The following TOPAZ1 variants were observed in gnomAD, a reference collection of about 807,000 sequenced individuals.
TOPAZ1 encodes protein TOPAZ1.
Under a neutral mutation model 172.2 loss-of-function variants are expected in TOPAZ1, and 66 were observed. That is an observed-to-expected ratio of 0.38 (90% CI 0.31 to 0.47). The LOEUF (loss-of-function observed/expected upper bound fraction) is 0.47, where lower values mean the gene tolerates loss of function less well. Among genes scored for constraint, TOPAZ1 ranks in the 20% least tolerant of loss-of-function variants. The pLI, the probability that TOPAZ1 is intolerant of heterozygous loss-of-function variation, is 0.99. For synonymous variants in TOPAZ1, 681 were observed against 683.9 expected, an observed-to-expected ratio of 1.00 and a Z score of 0.07; for missense variants, 1,822 against 1,972.4, an observed-to-expected ratio of 0.92 and a Z score of 1.44.
At chr3:44,254,351 G>A (rs1286422564) in intron 2 of TOPAZ1, among the ~76,000 whole-genome samples, 2 of 152,156 alleles carry the variant, frequency 1.3e-5, no homozygotes, top group Admixed American at 1.3e-4. Flanking sequence ...AAGTTGGCCA[G>A]GCACAGTGAC....
At chr3:44,294,419 G>GA (rs545942613) in intron 12 of TOPAZ1, among the ~76,000 whole-genome samples, 1 of 151,616 alleles carries the variant, frequency 6.6e-6, no homozygotes, top group Non-Finnish European at 1.5e-5. Flanking sequence ...CAAGGCAAAA[G>GA]AAAAAAAAGT....
intron 11 of TOPAZ1, 132 bp from the exon 12 acceptor site, chr3:44,290,639 T>G: frequency 1.7e-6 from 1 of 589,950 alleles, no homozygotes; most frequent in Non-Finnish European, 3.0e-6. Context: ...TCAATTTTTT[T>G]AAATGAGTTT....
At chr3:44,328,548 T>A in intron 19 of TOPAZ1, 115 bp downstream of exon 19, 6 of 481,240 alleles carry the variant, frequency 1.2e-5, no homozygotes, top group Non-Finnish European at 2.1e-5. Context: ...TATGTATATA[T>A]TTATATATGT....
intron 2 of TOPAZ1, among the ~76,000 whole-genome samples, chr3:44,248,385 T>C (rs1053589765): frequency 1.3e-5 from 2 of 152,246 alleles, no homozygotes; most frequent in African/African-American, 4.8e-5. Flanking sequence ...GCACCAGTTA[T>C]ACTTTTATTG....
chr3:44,335,131 AATC>A (rs897366261), downstream of TOPAZ1, among the ~76,000 whole-genome samples: 3 of 152,142 alleles, frequency 2.0e-5, no homozygotes, highest in African/African-American at 7.2e-5. Context: ...CCCAGGGTAC[AATC>A]ATCATAACGA....
chr3:44,289,701 A>G (rs1700115937), intron 11 of TOPAZ1, among the ~76,000 whole-genome samples: 1 of 152,110 alleles, frequency 6.6e-6, no homozygotes, highest in Admixed American at 6.5e-5. Flanking sequence ...CTAACAGCCA[A>G]ATTACAGCAT....
intron 12 of TOPAZ1, among the ~76,000 whole-genome samples, chr3:44,298,850 TATATA>T (rs1489129563): frequency 1.6e-5 from 2 of 128,762 alleles, no homozygotes; most frequent in African/African-American, 5.5e-5. Context: ...TTATATATAT[TATATA>T]ATATATTTGT....
Position 44,243,135 on chromosome 3 carries a change from C to G in TOPAZ1, c.629C>G (p.Ser210Cys), listed in dbSNP as rs1699507648. The G allele has an allele frequency of 6.5e-7, 1 of 1,549,124 alleles. No homozygotes were observed. The highest frequency in any genetic ancestry group is 8.7e-7 in the Non-Finnish European group (1 of 1,145,568). The part of the protein sequence containing the change: ...DELYKNTPKY[S>C]CNILSPEVEN... ...CTGTACAAGAATACTCCAAAATATT[C>G]TTGTAATATCTTGTCACCTGAAGTA... Residue 210 changes from serine (S) to cysteine (C), a missense_variant, in exon 2 of 20, where the codon TCT (serine) becomes TGT (cysteine). This residue lies in a region of TOPAZ1 where 1,489 missense variants were observed against 1,490.8 expected (regional missense o/e 1.00). Transcript: ENST00000309765.
intron 2 of TOPAZ1, among the ~76,000 whole-genome samples, chr3:44,254,587 A>G (rs1036512525): frequency 7.8e-5 from 11 of 141,588 alleles, no homozygotes; most frequent in Non-Finnish European, 1.6e-4. Flanking sequence ...AGATCGCGCC[A>G]TTGCACTCCA....
Position 44,245,056 on chromosome 3 carries a change from T to G in TOPAZ1, c.2550T>G (p.Phe850Leu). ...CTAAGAATTTTTCAGAGGTAGGGTTTCCAGATATTCTTAAAGCATATGAAG... is the reference window on the plus strand; with the variant it reads ...CTAAGAATTTTTCAGAGGTAGGGTTGCCAGATATTCTTAAAGCATATGAAG... ...KITKNFSEVGFPDILKAYEDD... is the reference protein window; with the variant it reads ...KITKNFSEVGLPDILKAYEDD... The change falls in exon 2 of 20, where the codon TTT (phenylalanine) becomes TTG (leucine). Residue 850 changes from phenylalanine (F) to leucine (L), a missense_variant. Physicochemically the swap from Phe to Leu is conservative, Grantham distance 22. Transcript: ENST00000309765. 6.4e-7 allele frequency: 1 copy of G among 1,551,650 alleles called. No individual in the cohort carries two copies. The highest frequency in any genetic ancestry group is 1.4e-5 in the African/African-American group (1 of 73,148).
At chr3:44,258,033 T>C (rs1452611952) in intron 4 of TOPAZ1, among the ~76,000 whole-genome samples, 2 of 152,162 alleles carry the variant, frequency 1.3e-5, no homozygotes, top group African/African-American at 4.8e-5. Flanking sequence ...CTATGTTGCT[T>C]TTTTGTTTTC....
chr3:44,291,695 T>TAA (rs200756712), intron 12 of TOPAZ1, among the ~76,000 whole-genome samples: 2 of 137,180 alleles, frequency 1.5e-5, no homozygotes, highest in African/African-American at 2.7e-5. Context: ...GGCCATGACT[T>TAA]AAAAAAAAAA....
chr3:44,284,104 G>C (rs1279051304), intron 9 of TOPAZ1, among the ~76,000 whole-genome samples: 1 of 136,290 alleles, frequency 7.3e-6, no homozygotes, highest in Non-Finnish European at 1.6e-5. Context: ...CATTTTGGGA[G>C]TATGTATGTG....
At chr3:44,280,035 AAGTATTTCTTGTAGGGCT>A (rs773436734) in intron 8 of TOPAZ1, among the ~76,000 whole-genome samples, 53 of 152,210 alleles carry the variant, frequency 3.5e-4, no homozygotes, top group Non-Finnish European at 5.7e-4. Flanking sequence ...GGATTCCCTT[AAGTATTTCTTGTAGGGCT>A]GGTGTAGTGG....
chr3:44,288,131 G>T (rs766489519), intron 11 of TOPAZ1, among the ~76,000 whole-genome samples: 9 of 151,982 alleles, frequency 5.9e-5, no homozygotes, highest in Non-Finnish European at 1.2e-4. Context: ...TTCTCTAAAA[G>T]ACTTGAGATC....
At chr3:44,283,115 A>G (rs757608538) in intron 9 of TOPAZ1, among the ~76,000 whole-genome samples, 6 of 152,220 alleles carry the variant, frequency 3.9e-5, no homozygotes, top group Non-Finnish European at 7.3e-5. Context: ...TAAAGATCCA[A>G]TATGGCCACA....
chr3:44,311,436 G>A (rs1181669655), intron 16 of TOPAZ1, among the ~76,000 whole-genome samples: 1 of 152,182 alleles, frequency 6.6e-6, no homozygotes, highest in African/African-American at 2.4e-5. Flanking sequence ...GTCACCTTAC[G>A]ATAGGAACCT....
In TOPAZ1 at chr3:44,323,311, A is replaced by G. The variant is rs531668650; in HGVS notation, c.4675+16A>G. ...CACTACAAAAGTAAGTTACATTTAA[A>G]ATGTTTTAATATATTGGTTTATAAT... On this transcript the variant is annotated intron_variant, in intron 18 of 19. Transcript: ENST00000309765. 4 of 1,489,780 alleles carry G rather than the reference A, an allele frequency of 2.7e-6. No individual in the cohort carries two copies. Among genetic ancestry groups the G allele is most frequent in the Admixed American group, 2.2e-5 (1 of 45,960 alleles). 92.3% of individuals were successfully genotyped at this position (1,489,780 alleles called of 1,614,324 possible). A position where few individuals can be genotyped will look rare whatever the true frequency, so the allele number is the denominator to read the frequency against.
intron 9 of TOPAZ1, among the ~76,000 whole-genome samples, chr3:44,283,628 A>T (rs1301378289): frequency 1.3e-5 from 2 of 152,232 alleles, no homozygotes; most frequent in African/African-American, 2.4e-5. Context: ...TAGAAATTTT[A>T]AATTTACAAA....
Sources: gnomAD v4.1 joint callset for allele counts (sites outside exome capture counted in the v4.1 genomes callset) on GRCh38, gnomAD v4.1.1 for gene constraint, gnomAD v4.1.1 regional missense constraint, MANE v1.5 for transcripts, NCBI Gene and HGNC (gene_info 2026-07-23, HGNC 2026-07-21) for gene names.